The following FBXO25 variants were observed in gnomAD, a reference collection of about 807,000 sequenced individuals.
The protein encoded by FBXO25 is F-box protein 25.
FBXO25 carries 45 observed loss-of-function variants against 51.9 expected under a neutral mutation model. The ratio of observed to expected loss-of-function variants is 0.87; its 90% CI spans 0.68 to 1.11. The LOEUF is 1.11. Among genes scored for constraint, FBXO25 ranks in the 50% most tolerant of loss-of-function variants. The pLI is 0.00. For synonymous variants in FBXO25, 199 were observed against 151.0 expected, an observed-to-expected ratio of 1.32 and a Z score of -2.33; for missense variants, 507 against 428.5, an observed-to-expected ratio of 1.18 and a Z score of -1.62.
chr8:421,555 G>A (rs1242656096), intron 2 of FBXO25, among the ~76,000 whole-genome samples: 2 of 152,232 alleles, frequency 1.3e-5, no homozygotes, highest in Admixed American at 6.5e-5. Context: ...GAGTTATCCT[G>A]TGGTTCTGGA....
chr8:465,311 T>C (rs1439056564), intron 9 of FBXO25, among the ~76,000 whole-genome samples: 1 of 152,218 alleles, frequency 6.6e-6, no homozygotes, highest in Non-Finnish European at 1.5e-5. Context: ...AATACTGTAG[T>C]TTCTAATTTG....
chr8:420,771 G>T (rs1360876354), intron 2 of FBXO25, among the ~76,000 whole-genome samples: 1 of 152,224 alleles, frequency 6.6e-6, no homozygotes, highest in Non-Finnish European at 1.5e-5. Context: ...GTTGCCAGGG[G>T]TTAAGAGTTG....
intron 9 of FBXO25, chr8:468,195 C>T (rs1800309920): frequency 3.0e-6 from 3 of 1,012,660 alleles, no homozygotes; most frequent in Non-Finnish European, 3.5e-6. Context: ...TGAGCATGGC[C>T]AGCTCCCTTG....
intron 2 of FBXO25, among the ~76,000 whole-genome samples, chr8:430,360 C>T (rs1797752524): frequency 1.3e-5 from 2 of 152,052 alleles, no homozygotes; most frequent in Admixed American, 1.3e-4. Flanking sequence ...ATGTGCTTTG[C>T]TTGTCTTGAT....
At chr8:413,736 G>A (rs59594514) in intron 2 of FBXO25, among the ~76,000 whole-genome samples, 1 of 152,210 alleles carries the variant, frequency 6.6e-6, no homozygotes, top group East Asian at 1.9e-4. Context: ...CGAAGGGTAG[G>A]TGGGGTTGGT....
At chr8:430,343 T>G (rs1797751638) in intron 2 of FBXO25, among the ~76,000 whole-genome samples, 1 of 152,238 alleles carries the variant, frequency 6.6e-6, no homozygotes, top group Admixed American at 6.5e-5. Context: ...GTTTGTATGT[T>G]TTTCAAATGT....
chr8:431,707 C>T (rs1456398877), intron 3 of FBXO25, among the ~76,000 whole-genome samples: 1 of 152,158 alleles, frequency 6.6e-6, no homozygotes, highest in Non-Finnish European at 1.5e-5. Flanking sequence ...GTCATGAATT[C>T]AGCTCAGTCT....
At position 430,341 on chromosome 8, in the gene FBXO25, G is replaced by A. The variant is rs373829608; in HGVS notation, c.135-1000G>A. Among the ~76,000 whole-genome samples, 44 of 152,216 alleles carry A rather than the reference G, an allele frequency of 2.9e-4. No homozygotes were observed. The East Asian group carries it at 6.2e-3, about 21-fold the overall frequency. Reference sequence around the variant, plus strand: ...CCACAAAAAGTTCAGTTGTTTGTATGTTTTTCAAATGTGCTTTGCTTGTCT... The same window carrying A: ...CCACAAAAAGTTCAGTTGTTTGTATATTTTTCAAATGTGCTTTGCTTGTCT... On this transcript the variant is annotated intron_variant, in intron 2 of 9. Transcript: ENST00000350302.
chr8:437,430 C>T (rs1333120866), intron 5 of FBXO25, among the ~76,000 whole-genome samples: 2 of 152,224 alleles, frequency 1.3e-5, no homozygotes, highest in East Asian at 3.8e-4. Context: ...TGATTGCTGC[C>T]TTCCAAGCAG....
chr8:407,380 C>T (rs1354986984), intron 1 of FBXO25: 1 of 980,916 alleles, frequency 1.0e-6, no homozygotes, highest in Admixed American at 6.3e-5. Context: ...TCCGCGGGCG[C>T]GTCAGGTAGG....
chr8:463,758 T>G (rs1384141909), intron 9 of FBXO25, among the ~76,000 whole-genome samples: 1 of 151,834 alleles, frequency 6.6e-6, no homozygotes, highest in Non-Finnish European at 1.5e-5. Flanking sequence ...CCATCCAGAC[T>G]GTGTGTCTAA....
At chr8:411,343 C>G (rs1299620843) in intron 1 of FBXO25, among the ~76,000 whole-genome samples, 1 of 152,164 alleles carries the variant, frequency 6.6e-6, no homozygotes, top group African/African-American at 2.4e-5. Context: ...CTACTTCTCC[C>G]TCTACCTTTT....
intron 1 of FBXO25, among the ~76,000 whole-genome samples, chr8:407,623 G>T (rs1563055470): frequency 6.6e-6 from 1 of 152,070 alleles, no homozygotes; most frequent in Non-Finnish European, 1.5e-5. Context: ...GTGTTTCGGG[G>T]ACGACTCCTG....
chr8:416,294 C>T (rs923571741), intron 2 of FBXO25, among the ~76,000 whole-genome samples: 1 of 152,208 alleles, frequency 6.6e-6, no homozygotes, highest in Non-Finnish European at 1.5e-5. Flanking sequence ...TACTCCTTCC[C>T]CATCTTTTCA....
intron 8 of FBXO25, among the ~76,000 whole-genome samples, chr8:460,183 A>G (rs1264122875): frequency 6.6e-6 from 1 of 152,120 alleles, no homozygotes; most frequent in Admixed American, 6.5e-5. Context: ...AAAGGCGTTA[A>G]TGAGAGTGCC....
chr8:436,379 A>G (rs1021792181), intron 5 of FBXO25, among the ~76,000 whole-genome samples: 13 of 152,234 alleles, frequency 8.5e-5, no homozygotes, highest in African/African-American at 2.9e-4. Flanking sequence ...TCTGTGAGAC[A>G]TTGGAAAAAT....
intron 1 of FBXO25, among the ~76,000 whole-genome samples, chr8:411,439 C>T (rs1796477641): frequency 6.6e-6 from 1 of 151,892 alleles, no homozygotes; most frequent in Non-Finnish European, 1.5e-5. Context: ...TTTCTTGGCT[C>T]TCTTGATTTC....
chr8:455,552 C>A (rs1188650037), intron 7 of FBXO25, among the ~76,000 whole-genome samples: 1 of 152,154 alleles, frequency 6.6e-6, no homozygotes, highest in African/African-American at 2.4e-5. Context: ...CGATCTTGGG[C>A]AAGCCAGTCA....
rs1051882866 is a variant in FBXO25 at position 416,488 on chromosome 8, A to G, written c.134+3275A>G. On this transcript the variant is annotated intron_variant, in intron 2 of 9. Coordinates refer to ENST00000350302, the MANE Select transcript of FBXO25 (RefSeq NM_183420.2). Reference sequence around the variant, plus strand: ...GTTAATTATCTCACAGGGAACAGTTAAGTGTGTTGCCCTTTGCCTGTTGAT... The same window carrying G: ...GTTAATTATCTCACAGGGAACAGTTGAGTGTGTTGCCCTTTGCCTGTTGAT... 2.8e-4 allele frequency among the ~76,000 whole-genome samples: 42 copies of G among 152,336 alleles called. 1 individual carries two copies. Among genetic ancestry groups the G allele is most frequent in the African/African-American group, 8.9e-4 (37 of 41,576 alleles).
Sources: allele counts gnomAD v4.1 joint callset (sites outside exome capture counted in the v4.1 genomes callset), GRCh38; gene constraint gnomAD v4.1.1; transcripts MANE v1.5; gene names NCBI Gene and HGNC (gene_info 2026-07-23, HGNC 2026-07-21).